PARPBP: variants seen among roughly 807,000 people sequenced by gnomAD.
The protein encoded by PARPBP is PCNA-interacting partner.
A neutral mutation model predicts 50.0 loss-of-function variants in PARPBP; 52 were observed. That is an observed-to-expected ratio of 1.04 (90% CI 0.83 to 1.31). The LOEUF is 1.31. PARPBP is among the 50% of genes most tolerant of loss of function. PARPBP has a pLI of 0.00. For missense variants in PARPBP, 697 were observed against 672.0 expected (o/e 1.04, Z -0.41); for synonymous variants, 244 against 232.1 (o/e 1.05, Z -0.47).
chr12:102,153,511 T>A (rs1365713193), intron 3 of PARPBP, among the ~76,000 whole-genome samples: 1 of 152,116 alleles, frequency 6.6e-6, no homozygotes, highest in Non-Finnish European at 1.5e-5. Flanking sequence ...CAGCTAATGT[T>A]TTGCATCTTT....
At chr12:102,130,226 A>G (rs1373062329) in intron 2 of PARPBP, among the ~76,000 whole-genome samples, 2 of 152,196 alleles carry the variant, frequency 1.3e-5, no homozygotes, top group Non-Finnish European at 1.5e-5. Flanking sequence ...TCCTTAAACT[A>G]CATACAAAAA....
chr12:102,169,678 T>C (rs1232724773), intron 6 of PARPBP, among the ~76,000 whole-genome samples: 2 of 152,182 alleles, frequency 1.3e-5, no homozygotes, highest in Non-Finnish European at 2.9e-5. Context: ...CTATTCTGCC[T>C]CCAGTCTTAA....
rs932650089 is a variant in PARPBP at position 102,147,718 on chromosome 12, TAATAA to T, written c.154-504_154-500del. Among the ~76,000 whole-genome samples, 40 of 151,594 alleles carry T rather than the reference TAATAA, an allele frequency of 2.6e-4. No homozygotes were observed. The East Asian group carries it at 4.2e-3, about 16-fold the overall frequency. ...TACCCTAAAACTTAAAGTATAATAA[TAATAA>T]AATAAAAAAAATTAATCTTTATGAC... On this transcript the variant is annotated intron_variant, in intron 2 of 10. Coordinates refer to ENST00000327680, the MANE Select transcript of PARPBP (RefSeq NM_017915.5).
chr12:102,135,212 G>A (rs1032024387), intron 2 of PARPBP, among the ~76,000 whole-genome samples: 3 of 152,038 alleles, frequency 2.0e-5, no homozygotes, highest in Non-Finnish European at 2.9e-5. Context: ...ACAAGTTAGA[G>A]TTGAACACTT....
At chr12:102,171,732 G>C (rs1308095711) in intron 6 of PARPBP, among the ~76,000 whole-genome samples, 2 of 152,010 alleles carry the variant, frequency 1.3e-5, no homozygotes, top group Admixed American at 1.3e-4. Flanking sequence ...CAGGTGTGGT[G>C]GTGGCGGGCG....
intron 5 of PARPBP, among the ~76,000 whole-genome samples, chr12:102,164,862 T>G (rs1887977492): frequency 6.6e-6 from 1 of 152,194 alleles, no homozygotes; most frequent in Admixed American, 6.5e-5. Flanking sequence ...GAATAAATGT[T>G]TCCAGTGTCA....
At chr12:102,154,342 C>T (rs1019650442) in intron 4 of PARPBP, among the ~76,000 whole-genome samples, 2 of 152,050 alleles carry the variant, frequency 1.3e-5, no homozygotes, top group African/African-American at 4.8e-5. Context: ...GGTCTGTACC[C>T]CTTGCAGTAG....
Position 102,125,509 on chromosome 12 carries a change from C to T in PARPBP, c.153+1468C>T, listed in dbSNP as rs565501693. Among the ~76,000 whole-genome samples the T allele has an allele frequency of 1.1e-4, 16 of 152,208 alleles. No individual in the cohort carries two copies. In the East Asian group the frequency reaches 3.1e-3, roughly 29 times the overall value. On this transcript the variant is annotated intron_variant, in intron 2 of 10. Transcript: ENST00000327680. ...TTTTATGGGAAGGGACTACCGCAGGCAAAGGGAGGAGCAGGTGTAGTGGCC... is the reference window on the plus strand; with the variant it reads ...TTTTATGGGAAGGGACTACCGCAGGTAAAGGGAGGAGCAGGTGTAGTGGCC...
chr12:102,145,894 C>T (rs1009611950), intron 2 of PARPBP, among the ~76,000 whole-genome samples: 15 of 152,024 alleles, frequency 9.9e-5, no homozygotes, highest in East Asian at 1.9e-4. Context: ...GCCAAAAGGC[C>T]GAGAAGCAAT....
At chr12:102,190,866 TAAG>T in intron 9 of PARPBP, among the ~76,000 whole-genome samples, 1 of 152,108 alleles carries the variant, frequency 6.6e-6, no homozygotes, top group African/African-American at 2.4e-5. Flanking sequence ...GGGTGGGGCC[TAAG>T]GAAAGTGGGG....
chr12:102,150,966 A>T (rs368400348), intron 3 of PARPBP, among the ~76,000 whole-genome samples: 22 of 152,312 alleles, frequency 1.4e-4, no homozygotes, highest in African/African-American at 5.3e-4. Flanking sequence ...GCTGCTCTGT[A>T]AGTATAGATA....
chr12:102,158,537 C>A (rs1594549838), intron 4 of PARPBP, among the ~76,000 whole-genome samples: 1 of 152,322 alleles, frequency 6.6e-6, no homozygotes, highest in African/African-American at 2.4e-5. Context: ...CCCAAGCCCA[C>A]CTTGAATGTT....
At chr12:102,191,203 G>A (rs1450673866) in intron 9 of PARPBP, among the ~76,000 whole-genome samples, 1 of 152,058 alleles carries the variant, frequency 6.6e-6, no homozygotes, top group African/African-American at 2.4e-5. Context: ...TCAGGTGTCA[G>A]ACTTCAATGT....
chr12:102,124,427 C>G (rs981322059), intron 2 of PARPBP, among the ~76,000 whole-genome samples: 1 of 152,078 alleles, frequency 6.6e-6, no homozygotes, highest in African/African-American at 2.4e-5. Context: ...CAATCTGCAC[C>G]GGGATACTGG....
intron 9 of PARPBP, among the ~76,000 whole-genome samples, chr12:102,185,782 T>TATGATTACATACTTGGAATCCCA (rs752114164): frequency 7.9e-5 from 12 of 152,102 alleles, no homozygotes; most frequent in Non-Finnish European, 1.3e-4. Context: ...TCCTCCCAAG[T>TATGATTACATACTTGGAATCCCA]AGCTGGGATT....
At chr12:102,183,637 A>G (rs1890043265) in intron 9 of PARPBP, among the ~76,000 whole-genome samples, 1 of 152,322 alleles carries the variant, frequency 6.6e-6, no homozygotes, top group South Asian at 2.1e-4. Flanking sequence ...TTTAAAATCT[A>G]TCCATTGGAC....
At chr12:102,133,143 T>C (rs556471175) in intron 2 of PARPBP, among the ~76,000 whole-genome samples, 5 of 152,150 alleles carry the variant, frequency 3.3e-5, no homozygotes, top group Non-Finnish European at 7.4e-5. Context: ...TTGTTTCTTT[T>C]TCTTACCTAA....
At chr12:102,156,793 C>A (rs548655232) in intron 4 of PARPBP, among the ~76,000 whole-genome samples, 1 of 152,184 alleles carries the variant, frequency 6.6e-6, no homozygotes, top group African/African-American at 2.4e-5. Flanking sequence ...AAGCGTGCAC[C>A]ACCACGCCTG....
chr12:102,123,863 T>G (rs886315187), intron 1 of PARPBP, 23 bp from the exon 2 acceptor site: 1 of 1,511,020 alleles, frequency 6.6e-7, no homozygotes, highest in Non-Finnish European at 8.9e-7. Flanking sequence ...ATACTTTAAC[T>G]TTGTATTCTG....
Sources: allele counts gnomAD v4.1 joint callset (sites outside exome capture counted in the v4.1 genomes callset), GRCh38; gene constraint gnomAD v4.1.1; transcripts MANE v1.5; gene names NCBI Gene and HGNC (gene_info 2026-07-23, HGNC 2026-07-21).